MELTF: variants seen among roughly 807,000 people sequenced by gnomAD.
MELTF encodes the protein melanotransferrin, also known as antigen p97 (melanoma associated) identified by monoclonal antibodies 133.2 and 96.5.
Under a neutral mutation model 83.7 loss-of-function variants are expected in MELTF, and 67 were observed. The observed-to-expected ratio is 0.80, with a 90% CI of 0.66 to 0.98. The LOEUF (loss-of-function observed/expected upper bound fraction) is 0.98. Ranked by LOEUF, MELTF falls within the 50% of genes least tolerant of loss-of-function variation. The probability of loss-of-function intolerance (pLI) is 0.00; values close to 1 mark genes in which losing one functional copy is unlikely to be tolerated. For synonymous variants in MELTF, 462 were observed against 447.6 expected (o/e 1.03, Z -0.41); for missense variants, 1,002 against 1,035.6 (o/e 0.97, Z 0.44).
rs1719757618 is a variant in MELTF, at chr3:197,024,292, A to G, written c.487+11T>C. Reference sequence around the variant, plus strand: ...GCCTGGGGACCCTCCTGCCCAGCCCAAAGCCCTCACCTTTGAGTACATCGC... The same window carrying G: ...GCCTGGGGACCCTCCTGCCCAGCCCGAAGCCCTCACCTTTGAGTACATCGC... On this transcript the variant is annotated intron_variant, in intron 4 of 15. Transcript: ENST00000296350. The surrounding 1 kb of genome is among the most constrained non-coding windows in gnomAD (Gnocchi z 5.3). The G allele has an allele frequency of 6.5e-7, 1 of 1,548,054 alleles. No individual in the cohort carries two copies. The highest frequency in any genetic ancestry group is 8.7e-7 in the Non-Finnish European group (1 of 1,143,466).
chr3:197,010,672 G>A (rs1395585952), intron 10 of MELTF, 26 bp downstream of exon 10: 1 of 1,590,834 alleles, frequency 6.3e-7, no homozygotes, highest in Non-Finnish European at 8.6e-7. Flanking sequence ...TCCCGGCTGA[G>A]GCCAGGCGGC....
rs1719921688 is a variant in MELTF at position 197,027,819 on chromosome 3, G to T, written c.141C>A (p.Gly47=). The T allele has an allele frequency of 6.2e-7, 1 of 1,611,300 alleles. No individual in the cohort carries two copies. The highest frequency in any genetic ancestry group is 8.5e-7 in the Non-Finnish European group (1 of 1,179,242). ...GNMSEAFREA[G]IQPSLLCVRG... is the part of the protein sequence containing the mutation. Reference sequence around the variant, plus strand: ...GGACGCAGAGGAGGGAGGGCTGGATGCCCGCTTCCCGGAAGGCCTCGCTCA... The same window carrying T: ...GGACGCAGAGGAGGGAGGGCTGGATTCCCGCTTCCCGGAAGGCCTCGCTCA... The change falls in exon 2 of 16, where the codon GGC becomes GGA. Residue 47 remains glycine (G), a synonymous_variant. Transcript: ENST00000296350.
intron 6 of MELTF, among the ~76,000 whole-genome samples, chr3:197,018,370 CT>C (rs1719487151): frequency 6.6e-6 from 1 of 151,972 alleles, no homozygotes; most frequent in African/African-American, 2.4e-5. Flanking sequence ...CCAGGATGGT[CT>C]TGATCTCCTG....
chr3:197,024,529 C>T lies in MELTF; in HGVS notation c.305-44G>A, dbSNP rs370929507. 3.7e-5 allele frequency: 56 copies of T among 1,514,780 alleles called. No homozygotes were observed. Among genetic ancestry groups the T allele is most frequent in the Admixed American group, 7.8e-5 (4 of 51,276 alleles). The allele number at this position is 1,514,780 out of a possible 1,614,324, so 93.8% of individuals were successfully genotyped here. On this transcript the variant is annotated intron_variant, in intron 3 of 15. Transcript: ENST00000296350. This position sits in a 1 kb window ranked among gnomAD's most constrained non-coding sequence, Gnocchi z 5.3. The stretch of plus-strand genomic sequence containing the variant: ...GGGTGAGGGCAGCAGGGAGAGGCCT[C>T]GAGAGAGGCTGCACCAGCACCCTGC...
rs374007017 is a variant in MELTF, at chr3:197,015,499, G to A, written c.1099C>T (p.Arg367Cys). ...CDPNRLPPYLRWCVLSTPEIQ... is the reference protein window; with the variant it reads ...CDPNRLPPYLCWCVLSTPEIQ... Reference sequence around the variant, plus strand: ...TCGGGAGTGGAGAGCACACACCAGCGCAGGTAGGGGGGCAGCCCTGGGGTG... The same window carrying A: ...TCGGGAGTGGAGAGCACACACCAGCACAGGTAGGGGGGCAGCCCTGGGGTG... Residue 367 changes from arginine (R) to cysteine (C), a missense_variant, in exon 9 of 16, where the codon CGC becomes TGC. By Grantham distance (180) the Arg-to-Cys change is radical. Coordinates refer to ENST00000296350, the MANE Select transcript of MELTF (RefSeq NM_005929.6). 84 of 1,611,294 alleles carry A rather than the reference G, an allele frequency of 5.2e-5. No homozygotes were observed. In the African/African-American group the frequency reaches 6.8e-4, roughly 13 times the overall value.
Position 197,029,712 on chromosome 3 carries a change from G to GGGGCTGGCTGGGGCCGGGCTA in MELTF, c.-11_-10insTAGCCCGGCCCCAGCCAGCCC. On this transcript the variant is annotated 5_prime_UTR_variant, in exon 1 of 16. Coordinates refer to ENST00000296350, the MANE Select transcript of MELTF (RefSeq NM_005929.6). The surrounding 1 kb of genome is among the most constrained non-coding windows in gnomAD (Gnocchi z 6.5). ...CGCTCGGACCCCGCATGGCGCCGTCGGGGCTGGCTGGGGCCGGGCTGGGGC... is the reference window on the plus strand; with the variant it reads ...CGCTCGGACCCCGCATGGCGCCGTCGGGGCTGGCTGGGGCCGGGCTAGGGCTGGCTGGGGCCGGGCTGGGGC... 1 of 1,235,466 alleles carries GGGGCTGGCTGGGGCCGGGCTA rather than the reference G, an allele frequency of 8.1e-7. No homozygotes were observed. The allele number at this position is 1,235,466 out of a possible 1,614,324, so 76.5% of individuals were successfully genotyped here. A position where few individuals can be genotyped will look rare whatever the true frequency, so the allele number is the denominator to read the frequency against.
intron 2 of MELTF, among the ~76,000 whole-genome samples, chr3:197,027,363 C>T (rs1350461601): frequency 6.6e-6 from 1 of 152,254 alleles, no homozygotes; most frequent in Non-Finnish European, 1.5e-5. Flanking sequence ...CATGCTCACC[C>T]ACCTGGGAGT....
intron 9 of MELTF, among the ~76,000 whole-genome samples, chr3:197,014,779 G>A (rs1184368029): frequency 3.3e-5 from 5 of 152,154 alleles, no homozygotes; most frequent in African/African-American, 7.2e-5. Context: ...CAGGTAGGAC[G>A]ATATTGCATG....
chr3:197,026,630 G>C, intron 3 of MELTF, 30 bp downstream of exon 3: 1 of 1,596,478 alleles, frequency 6.3e-7, no homozygotes, highest in East Asian at 2.2e-5. Flanking sequence ...AGCGCAGGCT[G>C]TCCTCTCTCC....
intron 14 of MELTF, among the ~76,000 whole-genome samples, chr3:197,005,364 T>C (rs374979960): frequency 6.6e-6 from 1 of 152,176 alleles, no homozygotes; most frequent in African/African-American, 2.4e-5. Context: ...GAGATGACTG[T>C]TAGAAACACA....
intron 14 of MELTF, among the ~76,000 whole-genome samples, chr3:197,005,123 G>A (rs867155623): frequency 2.0e-5 from 3 of 152,330 alleles, no homozygotes; most frequent in Middle Eastern, 3.4e-3. Flanking sequence ...GTCGGGGGAG[G>A]GGGAGTGGTT....
intron 7 of MELTF, 87 bp from the exon 8 acceptor site, chr3:197,016,456 C>A: frequency 7.8e-7 from 1 of 1,280,124 alleles, no homozygotes; most frequent in Non-Finnish European, 1.0e-6. Context: ...CCTCCTTCTT[C>A]CCCGACCTCA....
At position 197,004,054 on chromosome 3, in the gene MELTF, C is replaced by G; in HGVS notation, c.1984G>C (p.Asp662His). ...TCTTGGCCATGATAGTTGGAGGAGT[C>G]GAACATTTTGAACCCGTTCTTATTG... Reference protein sequence around the residue: ...DHNKNGFKMFDSSNYHGQDLL... With the variant: ...DHNKNGFKMFHSSNYHGQDLL... The change falls in exon 15 of 16, where the codon GAC (aspartate) becomes CAC (histidine). Residue 662 changes from aspartate (D) to histidine (H), a missense_variant. Asp to His is a moderately conservative substitution (Grantham distance 81). Transcript: ENST00000296350. 1 of 1,614,134 alleles carries G rather than the reference C, an allele frequency of 6.2e-7. No individual in the cohort carries two copies. Among genetic ancestry groups the G allele is most frequent in the Non-Finnish European group, 8.5e-7 (1 of 1,180,038 alleles).
In MELTF at chr3:197,003,480, C is replaced by G; in HGVS notation, c.2138-29G>C. On this transcript the variant is annotated intron_variant, in intron 15 of 15. Coordinates refer to ENST00000296350, the MANE Select transcript of MELTF (RefSeq NM_005929.6). This position sits in a 1 kb window ranked among gnomAD's most constrained non-coding sequence, Gnocchi z 6.2. ...GGGACGAACGCGGCGGGTCAGGCCC[C>G]GAAGCCCGGGCCGCGGTGGCCGCCT... 2 of 1,045,824 alleles carry G rather than the reference C, an allele frequency of 1.9e-6. No individual in the cohort carries two copies. The highest frequency in any genetic ancestry group is 2.3e-6 in the Non-Finnish European group (2 of 874,006). 64.8% of individuals were successfully genotyped at this position (1,045,824 alleles called of 1,614,324 possible).
Position 197,009,681 on chromosome 3 carries a change from C to T in MELTF, c.1462G>A (p.Val488Ile), listed in dbSNP as rs1189720743. ...AGFGSPAGWD[V>I]PVGALIQRGF... ...CTCTGAATAAGGGCACCCACGGGGACATCCCAGCCTGCAGGGCTGCCGAAA... is the reference window on the plus strand; with the variant it reads ...CTCTGAATAAGGGCACCCACGGGGATATCCCAGCCTGCAGGGCTGCCGAAA... Residue 488 changes from valine to isoleucine, a missense_variant, in exon 11 of 16, where the codon GTC (valine) becomes ATC (isoleucine). Transcript: ENST00000296350. The T allele has an allele frequency of 6.2e-7, 1 of 1,613,854 alleles. No homozygotes were observed. Among genetic ancestry groups the T allele is most frequent in the Non-Finnish European group, 8.5e-7 (1 of 1,180,030 alleles).
At chr3:197,021,797 G>A (rs1219935109) in intron 5 of MELTF, among the ~76,000 whole-genome samples, 1 of 152,196 alleles carries the variant, frequency 6.6e-6, no homozygotes, top group Non-Finnish European at 1.5e-5. Context: ...CAGGGCAGCT[G>A]CTATTATAAT....
rs1491251014 is a variant in MELTF, at chr3:197,009,605, AAG to A, written c.1525+11_1525+12del. On this transcript the variant is annotated intron_variant, in intron 11 of 15. Coordinates refer to ENST00000296350, the MANE Select transcript of MELTF (RefSeq NM_005929.6). ...GGCTTCCCCAGTCTGCGTTCCTAAA[AAG>A]GGGGGGGTACCTGTGAGGACGTCAC... is the stretch of plus-strand genomic sequence containing the variant. 211 of 1,594,778 alleles carry A rather than the reference AAG, an allele frequency of 1.3e-4. 2 individuals carry two copies. The East Asian group carries it at 3.4e-3, about 26-fold the overall frequency.
At chr3:197,019,160 T>C (rs571927505) in intron 6 of MELTF, 11 of 990,256 alleles carry the variant, frequency 1.1e-5, no homozygotes, top group Non-Finnish European at 1.2e-5. Flanking sequence ...TTTACAGCAC[T>C]GTTAATGATT....
At chr3:197,018,956 C>T in intron 6 of MELTF, 1 of 985,154 alleles carries the variant, frequency 1.0e-6, no homozygotes, top group Non-Finnish European at 1.2e-6. Context: ...CAGATGGTCC[C>T]ACATAACAAT....
Sources: gnomAD v4.1 joint callset for allele counts (sites outside exome capture counted in the v4.1 genomes callset) on GRCh38, gnomAD v4.1.1 for gene constraint, Gnocchi (gnomAD v3.1) non-coding constraint, MANE v1.5 for transcripts, NCBI Gene and HGNC (gene_info 2026-07-23, HGNC 2026-07-21) for gene names.